Variants in LRRC4C observed in about 807,000 individuals in gnomAD.
The protein encoded by LRRC4C is leucine rich repeat containing 4C, also known as leucine-rich repeat-containing protein 4C.
Under a neutral mutation model 33.6 loss-of-function variants are expected in LRRC4C, and 5 were observed. The ratio of observed to expected loss-of-function variants is 0.15; its 90% confidence interval spans 0.08 to 0.31. The LOEUF is 0.31. LRRC4C is among the 10% of genes least tolerant of loss of function. The pLI is 1.00. For missense variants in LRRC4C, 560 were observed against 796.7 expected (o/e 0.70, Z 3.58); for synonymous variants, 329 against 302.0 (o/e 1.09, Z -0.93).
chr11:41,063,065 T>C (rs1937914997), intron 1 of LRRC4C, among the ~76,000 whole-genome samples: 2 of 152,212 alleles, frequency 1.3e-5, no homozygotes, highest in South Asian at 4.1e-4. Flanking sequence ...GCAACTAATA[T>C]ATAATGATTG....
At chr11:40,496,825 G>A (rs1459556733) in intron 3 of LRRC4C, among the ~76,000 whole-genome samples, 2 of 152,128 alleles carry the variant, frequency 1.3e-5, no homozygotes, top group Non-Finnish European at 2.9e-5. Context: ...TTGAGATTGA[G>A]TTCACATGTG....
chr11:40,559,025 A>G (rs1957440474), intron 3 of LRRC4C, among the ~76,000 whole-genome samples: 1 of 152,164 alleles, frequency 6.6e-6, no homozygotes, highest in African/African-American at 2.4e-5. Context: ...TGTTCCTGCA[A>G]AACACATGAT....
chr11:41,331,199 C>T (rs1435730046), intron 1 of LRRC4C, among the ~76,000 whole-genome samples: 1 of 152,174 alleles, frequency 6.6e-6, no homozygotes, highest in East Asian at 1.9e-4. Flanking sequence ...AGGCTCTGAA[C>T]AAAATATGTC....
chr11:41,051,639 C>T (rs1157694232), intron 1 of LRRC4C, among the ~76,000 whole-genome samples: 1 of 137,110 alleles, frequency 7.3e-6, no homozygotes, highest in East Asian at 2.3e-4. Context: ...TTCTCATGTT[C>T]TTTCTTTTCT....
At position 40,572,398 on chromosome 11, in the gene LRRC4C, G is replaced by A. The variant is rs187785592; in HGVS notation, c.-270+75744C>T. 4.9e-4 allele frequency among the ~76,000 whole-genome samples: 75 copies of A among 152,270 alleles called. No homozygotes were observed. The East Asian group carries it at 8.3e-3, about 17-fold the overall frequency. Reference sequence around the variant, plus strand: ...GCATCAGAGAGATTTAATGGAGAACGTAGGTATGTTCCAACAGGTGGAAAG... The same window carrying A: ...GCATCAGAGAGATTTAATGGAGAACATAGGTATGTTCCAACAGGTGGAAAG... On this transcript the variant is annotated intron_variant, in intron 3 of 6. Coordinates refer to ENST00000528697, the MANE Select transcript of LRRC4C (RefSeq NM_001258419.2).
chr11:40,234,232 T>A (rs1168835817), intron 5 of LRRC4C, among the ~76,000 whole-genome samples: 1 of 152,216 alleles, frequency 6.6e-6, no homozygotes, highest in Non-Finnish European at 1.5e-5. Context: ...CAAGGCACAA[T>A]GCTAATCATT....
At chr11:40,585,725 T>A (rs2135689976) in intron 3 of LRRC4C, among the ~76,000 whole-genome samples, 1 of 143,672 alleles carries the variant, frequency 7.0e-6, no homozygotes, top group African/African-American at 2.5e-5. Flanking sequence ...ATGCAGTGTT[T>A]GGTTTTTTGT....
chr11:41,304,573 G>T (rs1202107519), intron 1 of LRRC4C, among the ~76,000 whole-genome samples: 3 of 109,706 alleles, frequency 2.7e-5, no homozygotes, highest in Non-Finnish European at 3.9e-5. Context: ...GGAGGGAGGT[G>T]GGGGGGTCAG....
At chr11:40,197,885 T>G (rs1445342860) in intron 5 of LRRC4C, among the ~76,000 whole-genome samples, 1 of 152,202 alleles carries the variant, frequency 6.6e-6, no homozygotes, top group African/African-American at 2.4e-5. Context: ...ACGAAGTCAG[T>G]ATTATTAAGC....
chr11:41,185,604 A>G (rs1201509914), intron 1 of LRRC4C, among the ~76,000 whole-genome samples: 1 of 152,280 alleles, frequency 6.6e-6, no homozygotes, highest in East Asian at 1.9e-4. Flanking sequence ...TAGTGGAGAA[A>G]AGGTTGGGAA....
intron 5 of LRRC4C, among the ~76,000 whole-genome samples, chr11:40,151,372 C>A (rs907860826): frequency 3.3e-5 from 5 of 152,170 alleles, no homozygotes; most frequent in Non-Finnish European, 7.3e-5. Context: ...TACAGCAATT[C>A]TTATCCCAGT....
chr11:41,309,307 G>A (rs1950586521), intron 1 of LRRC4C, among the ~76,000 whole-genome samples: 1 of 152,188 alleles, frequency 6.6e-6, no homozygotes, highest in African/African-American at 2.4e-5. Context: ...GAGGCACAGG[G>A]CTCATTCACC....
intron 2 of LRRC4C, among the ~76,000 whole-genome samples, chr11:40,836,883 A>T (rs1952697269): frequency 6.6e-6 from 1 of 152,076 alleles, no homozygotes; most frequent in Non-Finnish European, 1.5e-5. Flanking sequence ...TATCATCTTT[A>T]TTATCATGTC....
At chr11:41,222,502 A>G (rs1947350931) in intron 1 of LRRC4C, among the ~76,000 whole-genome samples, 1 of 152,172 alleles carries the variant, frequency 6.6e-6, no homozygotes, top group East Asian at 1.9e-4. Context: ...CCAACACCAT[A>G]TGACAACAAA....
intron 1 of LRRC4C, among the ~76,000 whole-genome samples, chr11:41,359,801 A>G (rs12296059): frequency 0.18 from 26,991 of 152,084 alleles, 2,784 homozygotes; most frequent in East Asian, 0.44. Flanking sequence ...AGGCTTTGCA[A>G]TTCCATAGCC....
At chr11:41,316,547 T>C (rs1468863009) in intron 1 of LRRC4C, among the ~76,000 whole-genome samples, 1 of 152,166 alleles carries the variant, frequency 6.6e-6, no homozygotes, top group Non-Finnish European at 1.5e-5. Context: ...GCATGGCAAG[T>C]CTCCTCTCTA....
chr11:40,389,010 A>G (rs990174331), intron 3 of LRRC4C, among the ~76,000 whole-genome samples: 2 of 152,166 alleles, frequency 1.3e-5, no homozygotes, highest in African/African-American at 4.8e-5. Flanking sequence ...TTCTTAGGGT[A>G]TAAAGAAGGA....
chr11:41,418,318 C>T (rs1954760632), intron 1 of LRRC4C, among the ~76,000 whole-genome samples: 1 of 151,944 alleles, frequency 6.6e-6, no homozygotes, highest in Admixed American at 6.6e-5. Context: ...AATATTACCC[C>T]TACACTTAAA....
chr11:40,153,032 G>C (rs1858357667), intron 5 of LRRC4C, among the ~76,000 whole-genome samples: 2 of 152,292 alleles, frequency 1.3e-5, no homozygotes, highest in South Asian at 4.1e-4. Context: ...CCCTCACAGA[G>C]TCCATTGAAC....
Sources: allele counts gnomAD v4.1 joint callset (sites outside exome capture counted in the v4.1 genomes callset), GRCh38; gene constraint gnomAD v4.1.1; transcripts MANE v1.5; gene names NCBI Gene and HGNC (gene_info 2026-07-23, HGNC 2026-07-21).